The following ECT2L variants were observed in gnomAD, a reference collection of about 807,000 sequenced individuals.
ECT2L encodes the protein epithelial cell-transforming sequence 2 oncogene-like.
ECT2L carries 126 observed loss-of-function variants against 122.8 expected under a neutral mutation model. The observed-to-expected ratio is 1.03, with a 90% CI of 0.89 to 1.19. The LOEUF is 1.19. ECT2L is among the 50% of genes most tolerant of loss of function. ECT2L has a pLI of 0.00. For synonymous variants in ECT2L, 385 were observed against 381.8 expected, an observed-to-expected ratio of 1.01 and a Z score of -0.10; for missense variants, 1,012 against 1,064.1, an observed-to-expected ratio of 0.95 and a Z score of 0.68.
intron 20 of ECT2L, among the ~76,000 whole-genome samples, chr6:138,890,515 T>TTTTTTTTTTTTTTTTTTTTTC: frequency 1.0e-5 from 1 of 97,048 alleles, no homozygotes; most frequent in Non-Finnish European, 2.4e-5. Flanking sequence ...TTTTTTTTTT[T>TTTTTTTTTTTTTTTTTTTTTC]TTTTTGGTCA....
In ECT2L at chr6:138,881,070, C is replaced by T. The variant is rs2128407128; in HGVS notation, c.1779C>T (p.Val593=). Residue 593 remains valine, a synonymous_variant, in exon 15 of 22, where the codon GTC becomes GTT. Coordinates refer to ENST00000541398, the MANE Select transcript of ECT2L (RefSeq NM_001077706.3). The part of the protein sequence containing the change: ...QILEIVRDVY[V]APLKAALSSN... Reference sequence around the variant, plus strand: ...TGGAAATTGTGAGAGATGTTTATGTCGCACCACTGAAAGCAGCATTGTCAT... The same window carrying T: ...TGGAAATTGTGAGAGATGTTTATGTTGCACCACTGAAAGCAGCATTGTCAT... The T allele has an allele frequency of 2.5e-6, 4 of 1,614,090 alleles. No individual in the cohort carries two copies. The highest frequency in any genetic ancestry group is 2.2e-5 in the East Asian group (1 of 44,874).
rs956376340 is a variant in ECT2L at position 138,814,407 on chromosome 6, G to A, written c.67-84G>A. 5.3e-6 allele frequency: 4 copies of A among 758,050 alleles called. No homozygotes were observed. The African/African-American group carries it at 7.0e-5, about 13-fold the overall frequency. 47.0% of individuals were successfully genotyped at this position (758,050 alleles called of 1,614,324 possible). ...CTCTGCAAATATTAGCTGTGAGGTT[G>A]CTGGTAGATTGTCTAAAGATTGCTT... is the stretch of plus-strand genomic sequence containing the variant. On this transcript the variant is annotated intron_variant, in intron 3 of 21. Transcript: ENST00000541398.
chr6:138,866,576 G>A (rs951924433), intron 12 of ECT2L, among the ~76,000 whole-genome samples: 8 of 151,828 alleles, frequency 5.3e-5, no homozygotes, highest in Non-Finnish European at 1.0e-4. Flanking sequence ...TAGTAGAGAC[G>A]GGGTTTCACC....
At chr6:138,871,528 A>C (rs892413508) in intron 13 of ECT2L, among the ~76,000 whole-genome samples, 1 of 152,146 alleles carries the variant, frequency 6.6e-6, no homozygotes, top group Admixed American at 6.5e-5. Flanking sequence ...ATCCTTGGCC[A>C]GGCGCAGTGG....
chr6:138,842,333 C>A (rs1460175493), intron 5 of ECT2L, among the ~76,000 whole-genome samples: 1 of 152,030 alleles, frequency 6.6e-6, no homozygotes, highest in Non-Finnish European at 1.5e-5. Flanking sequence ...TGGTGGCATG[C>A]GCCTGTAATC....
At chr6:138,797,891 A>T (rs1254576868) in intron 1 of ECT2L, among the ~76,000 whole-genome samples, 2 of 152,214 alleles carry the variant, frequency 1.3e-5, no homozygotes, top group African/African-American at 4.8e-5. Flanking sequence ...CACAAGTCCC[A>T]GGTTGTGACT....
At chr6:138,843,411 A>G (rs1029728199) in intron 6 of ECT2L, among the ~76,000 whole-genome samples, 180 bp downstream of exon 6, 4 of 152,214 alleles carry the variant, frequency 2.6e-5, no homozygotes, top group Non-Finnish European at 5.9e-5. Flanking sequence ...TGAGAAAAAC[A>G]AAGATTTCAG....
chr6:138,802,218 A>G (rs574703918), intron 1 of ECT2L, among the ~76,000 whole-genome samples: 1 of 152,236 alleles, frequency 6.6e-6, no homozygotes, highest in Non-Finnish European at 1.5e-5. Context: ...TCCCTCCAAC[A>G]ATCAGTTATG....
At chr6:138,837,503 G>A (rs114043339) in intron 4 of ECT2L, among the ~76,000 whole-genome samples, 133 of 152,110 alleles carry the variant, frequency 8.7e-4, no homozygotes, top group African/African-American at 2.9e-3. Context: ...TTCAGAATGT[G>A]GCCAGCTTTG....
At chr6:138,801,471 G>C (rs932942680) in intron 1 of ECT2L, among the ~76,000 whole-genome samples, 3 of 152,126 alleles carry the variant, frequency 2.0e-5, no homozygotes, top group African/African-American at 7.2e-5. Context: ...AACCACAGAG[G>C]CCAGGTGCGG....
Position 138,876,577 on chromosome 6 carries a change from T to TA in ECT2L, c.1665+21dup. On this transcript the variant is annotated intron_variant, in intron 14 of 21. Coordinates refer to ENST00000541398, the MANE Select transcript of ECT2L (RefSeq NM_001077706.3). ...TAATCTGGTAAGCTATTATATAATG[T>TA]AACTTTACCATTGGTTTTGCTCCTG... 6.6e-7 allele frequency: 1 copy of TA among 1,517,780 alleles called. No individual in the cohort carries two copies. The highest frequency in any genetic ancestry group is 9.1e-7 in the Non-Finnish European group (1 of 1,104,506). 94.0% of individuals were successfully genotyped at this position (1,517,780 alleles called of 1,614,324 possible). A position where few individuals can be genotyped will look rare whatever the true frequency, so the allele number is the denominator to read the frequency against.
Position 138,845,030 on chromosome 6 carries a change from C to T in ECT2L, c.764+450C>T, listed in dbSNP as rs77817226. Among the ~76,000 whole-genome samples the T allele has an allele frequency of 8.6e-3, 1,310 of 151,980 alleles. 22 individuals are homozygous for T. Among genetic ancestry groups the T allele is most frequent in the African/African-American group, 0.03 (1,240 of 41,444 alleles). On this transcript the variant is annotated intron_variant, in intron 7 of 21. Coordinates refer to ENST00000541398, the MANE Select transcript of ECT2L (RefSeq NM_001077706.3). ...AACATTTTTCCACAAGTGTTTTCTACGAAGTAAGAGTATCCAAATGGTATC... is the reference window on the plus strand; with the variant it reads ...AACATTTTTCCACAAGTGTTTTCTATGAAGTAAGAGTATCCAAATGGTATC...
chr6:138,814,689 G>T (rs1262183902), intron 4 of ECT2L, 86 bp downstream of exon 4: 1 of 782,962 alleles, frequency 1.3e-6, no homozygotes, highest in Non-Finnish European at 1.9e-6. Context: ...GAGATTTTTT[G>T]TTCCTAGGGA....
At chr6:138,893,413 A>AT (rs202147997) in intron 20 of ECT2L, among the ~76,000 whole-genome samples, 2,521 of 148,348 alleles carry the variant, frequency 0.017, 62 homozygotes, top group African/African-American at 0.058. Flanking sequence ...ATATATATAT[A>AT]TTTTTTTATT....
chr6:138,884,449 C>G (rs56783554), intron 16 of ECT2L, among the ~76,000 whole-genome samples: 3 of 152,010 alleles, frequency 2.0e-5, no homozygotes, highest in African/African-American at 7.2e-5. Flanking sequence ...ACCAGCCTGG[C>G]CAACATGGTG....
intron 1 of ECT2L, among the ~76,000 whole-genome samples, chr6:138,799,606 G>A (rs192892796): frequency 1.3e-5 from 2 of 152,172 alleles, no homozygotes; most frequent in East Asian, 3.9e-4. Context: ...AGGCTGGAGA[G>A]CAGTGGCACA....
At chr6:138,844,762 CAT>C (rs1269230073) in intron 7 of ECT2L, among the ~76,000 whole-genome samples, 182 bp downstream of exon 7, 1 of 150,356 alleles carries the variant, frequency 6.7e-6, no homozygotes, top group Non-Finnish European at 1.5e-5. Context: ...AAGAGGTAAA[CAT>C]ATAACATACA....
rs1422357193 is a variant in ECT2L, at chr6:138,814,609, T to C, written c.179+6T>C. On this transcript the variant is annotated splice_donor_region_variant and intron_variant, in intron 4 of 21. Transcript: ENST00000541398. ...TGCACTAAATCACAATTAAGGTAAA[T>C]GTAGCCTAATGATGTAATTAACATT... The C allele has an allele frequency of 3.3e-6, 5 of 1,505,134 alleles. No homozygotes were observed. Among genetic ancestry groups the C allele is most frequent in the Admixed American group, 1.7e-5 (1 of 59,624 alleles). 93.2% of individuals were successfully genotyped at this position (1,505,134 alleles called of 1,614,324 possible).
intron 1 of ECT2L, among the ~76,000 whole-genome samples, chr6:138,802,689 A>C (rs1205587494): frequency 6.6e-6 from 1 of 152,222 alleles, no homozygotes; most frequent in Non-Finnish European, 1.5e-5. Context: ...GAATAGGAAA[A>C]GAAATTATTC....
Sources: allele counts gnomAD v4.1 joint callset (sites outside exome capture counted in the v4.1 genomes callset), GRCh38; gene constraint gnomAD v4.1.1; transcripts MANE v1.5; gene names NCBI Gene and HGNC (gene_info 2026-07-23, HGNC 2026-07-21).